TNFRSF13B: variants seen among roughly 807,000 people sequenced by gnomAD.
TNFRSF13B encodes tumor necrosis factor receptor superfamily member 13B.
A neutral mutation model predicts 24.0 loss-of-function variants in TNFRSF13B; 34 were observed. The ratio of observed to expected loss-of-function variants is 1.41; its 90% CI spans 1.08 to 1.88. The LOEUF (loss-of-function observed/expected upper bound fraction) is 1.88, where lower values mean the gene tolerates loss of function less well. Among genes scored for constraint, TNFRSF13B ranks in the 40% most tolerant of loss-of-function variants. TNFRSF13B has a pLI of 0.00. For synonymous variants in TNFRSF13B, 173 were observed against 150.3 expected (o/e 1.15, Z -1.10); for missense variants, 415 against 380.8 (o/e 1.09, Z -0.75).
chr17:16,946,532 T>G (rs1044086785), intron 3 of TNFRSF13B, among the ~76,000 whole-genome samples: 3 of 151,946 alleles, frequency 2.0e-5, no homozygotes, highest in Middle Eastern at 3.2e-3. Context: ...CAGCCATAAG[T>G]TTTTTCATTT....
chr17:16,952,823 C>T (rs574574137), intron 1 of TNFRSF13B, among the ~76,000 whole-genome samples: 1 of 152,334 alleles, frequency 6.6e-6, no homozygotes, highest in African/African-American at 2.4e-5. Context: ...TTTCAGGCCC[C>T]CTGCTCTCTC....
intron 1 of TNFRSF13B, 72 bp downstream of exon 1, chr17:16,971,943 C>G: frequency 1.3e-6 from 2 of 1,526,738 alleles, no homozygotes; most frequent in Non-Finnish European, 1.8e-6. Context: ...ACCTTGCAAC[C>G]CCCACGGCAC....
intron 1 of TNFRSF13B, among the ~76,000 whole-genome samples, chr17:16,964,620 C>T (rs553747211): frequency 6.6e-5 from 10 of 152,278 alleles, no homozygotes; most frequent in Non-Finnish European, 1.3e-4. Context: ...GGATTACAGG[C>T]GTGAGCCACC....
rs1400796870 is a variant in TNFRSF13B, at chr17:16,939,341, TTCTCTGCCTCTTTCCC to T, written c.*190_*205del. On this transcript the variant is annotated 3_prime_UTR_variant, in exon 5 of 5. Coordinates refer to ENST00000261652, the MANE Select transcript of TNFRSF13B (RefSeq NM_012452.3). ...TCTCCTTCTCTGCCTGTCTCTTTCC[TTCTCTGCCTCTTTCCC>T]TCTCTGCCTCTCTTCCCCTCTGTCT... is the stretch of plus-strand genomic sequence containing the variant. The T allele has an allele frequency of 5.2e-6, 3 of 582,302 alleles. No individual in the cohort carries two copies. Among genetic ancestry groups the T allele is most frequent in the African/African-American group, 3.9e-5 (2 of 50,890 alleles). 36.1% of individuals were successfully genotyped at this position (582,302 alleles called of 1,614,324 possible). A position where few individuals can be genotyped will look rare whatever the true frequency, so the allele number is the denominator to read the frequency against.
intron 1 of TNFRSF13B, among the ~76,000 whole-genome samples, chr17:16,970,577 C>G (rs1276410843): frequency 6.6e-6 from 1 of 152,348 alleles, no homozygotes; most frequent in East Asian, 1.9e-4. Context: ...CATCAAAGCA[C>G]TTTTGTGTGT....
Position 16,939,400 on chromosome 17 carries a change from T to C in TNFRSF13B, c.*147A>G, listed in dbSNP as rs958213654. ...CTCTGTCTCTCTCTCCCTCTGTCTCTCTCTCCCTCTCTGTCTCCTCTGTTT... is the reference window on the plus strand; with the variant it reads ...CTCTGTCTCTCTCTCCCTCTGTCTCCCTCTCCCTCTCTGTCTCCTCTGTTT... On this transcript the variant is annotated 3_prime_UTR_variant, in exon 5 of 5. Coordinates refer to ENST00000261652, the MANE Select transcript of TNFRSF13B (RefSeq NM_012452.3). 1 of 958,414 alleles carries C rather than the reference T, an allele frequency of 1.0e-6. No homozygotes were observed. The allele number at this position is 958,414 out of a possible 1,614,324, so 59.4% of individuals were successfully genotyped here.
chr17:16,939,937 G>A (rs2087496935), intron 4 of TNFRSF13B, 140 bp from the exon 5 acceptor site: 1 of 1,222,364 alleles, frequency 8.2e-7, no homozygotes, highest in Non-Finnish European at 1.1e-6. Context: ...ACAGGTGTCA[G>A]TGTCCGCCAG....
chr17:16,966,832 C>CT lies in TNFRSF13B; in HGVS notation c.61+5182dup, dbSNP rs796602708. 8.0e-4 allele frequency among the ~76,000 whole-genome samples: 77 copies of CT among 95,832 alleles called. 5 individuals carry two copies. Among genetic ancestry groups the CT allele is most frequent in the South Asian group, 1.4e-3 (4 of 2,778 alleles). The allele number at this position is 95,832 out of a possible 152,430, so 62.9% of individuals were successfully genotyped here. On this transcript the variant is annotated intron_variant, in intron 1 of 4. Coordinates refer to ENST00000261652, the MANE Select transcript of TNFRSF13B (RefSeq NM_012452.3). Reference sequence around the variant, plus strand: ...TTGGTTTTTTTTGTTTTTTCTTTTTCTTTTTTCTTTTTTTTTTTTTTTTTG... The same window carrying CT: ...TTGGTTTTTTTTGTTTTTTCTTTTTCTTTTTTTCTTTTTTTTTTTTTTTTTG...
chr17:16,939,364 CCTCTCTTCCCCTCTGT>C lies in TNFRSF13B; in HGVS notation c.*167_*182del, dbSNP rs1245501192. The C allele has an allele frequency of 3.1e-5, 21 of 673,156 alleles. No individual in the cohort carries two copies. Among genetic ancestry groups the C allele is most frequent in the Non-Finnish European group, 3.5e-5 (15 of 430,746 alleles). The allele number at this position is 673,156 out of a possible 1,614,324, so 41.7% of individuals were successfully genotyped here. On this transcript the variant is annotated 3_prime_UTR_variant, in exon 5 of 5. Transcript: ENST00000261652. ...CCTTCTCTGCCTCTTTCCCTCTCTG[CCTCTCTTCCCCTCTGT>C]CTCTCTCTCCCTCTGTCTCTCTCTC...
intron 3 of TNFRSF13B, among the ~76,000 whole-genome samples, chr17:16,942,429 T>C (rs1300956126): frequency 6.6e-6 from 1 of 152,170 alleles, no homozygotes; most frequent in Non-Finnish European, 1.5e-5. Context: ...AGTGTCACTC[T>C]GACATTTACA....
At chr17:16,966,268 CAAAAAAACAAAAA>C (rs1285520199) in intron 1 of TNFRSF13B, among the ~76,000 whole-genome samples, 3 of 147,068 alleles carry the variant, frequency 2.0e-5, no homozygotes, top group Non-Finnish European at 4.5e-5. Context: ...AAAAAAACAC[CAAAAAAACAAAAA>C]CAAAAAACGA....
chr17:16,963,352 A>C (rs925405433), intron 1 of TNFRSF13B, among the ~76,000 whole-genome samples: 1 of 151,782 alleles, frequency 6.6e-6, no homozygotes, highest in African/African-American at 2.4e-5. Flanking sequence ...GCGTGAGCCA[A>C]CTCCCTCTTT....
At chr17:16,966,913 A>G (rs12950077) in intron 1 of TNFRSF13B, among the ~76,000 whole-genome samples, 5,355 of 134,352 alleles carry the variant, frequency 0.04, 125 homozygotes, top group South Asian at 0.11. Flanking sequence ...ATCTCGGCTC[A>G]CTGAAACTTC....
chr17:16,971,072 G>A (rs2087740326), intron 1 of TNFRSF13B, among the ~76,000 whole-genome samples: 1 of 152,188 alleles, frequency 6.6e-6, no homozygotes, highest in Non-Finnish European at 1.5e-5. Context: ...TACGGGCCGG[G>A]TGCCGTGGCT....
intron 1 of TNFRSF13B, among the ~76,000 whole-genome samples, chr17:16,967,919 C>T (rs1319758863): frequency 2.0e-5 from 3 of 151,438 alleles, no homozygotes; most frequent in East Asian, 1.9e-4. Context: ...GGGTGGATCA[C>T]GAGATCAGGA....
chr17:16,940,160 G>A (rs2087498811), intron 4 of TNFRSF13B, 166 bp downstream of exon 4: 1 of 1,492,616 alleles, frequency 6.7e-7, no homozygotes, highest in African/African-American at 1.4e-5. Context: ...CCAGTTATCT[G>A]TCTGCCAGGA....
chr17:16,963,949 G>A (rs1009924938), intron 1 of TNFRSF13B, among the ~76,000 whole-genome samples: 2 of 152,186 alleles, frequency 1.3e-5, no homozygotes, highest in African/African-American at 2.4e-5. Flanking sequence ...GGATTCCAGC[G>A]TGCAGAGATA....
In TNFRSF13B at chr17:16,968,367, T is replaced by C. The variant is rs564687798; in HGVS notation, c.61+3648A>G. 2.0e-5 allele frequency among the ~76,000 whole-genome samples: 3 copies of C among 152,190 alleles called. No individual in the cohort carries two copies. In the South Asian group the frequency reaches 6.2e-4, roughly 32 times the overall value. ...GGGTGGTACTGGCATCAGACAGGCA[T>C]AAATCAACAGAATATAATTGAGAGC... On this transcript the variant is annotated intron_variant, in intron 1 of 4. Transcript: ENST00000261652.
chr17:16,948,434 C>G (rs1422240311), intron 3 of TNFRSF13B, among the ~76,000 whole-genome samples: 1 of 152,232 alleles, frequency 6.6e-6, no homozygotes, highest in Admixed American at 6.5e-5. Context: ...CAGGTGCTCA[C>G]ACAGGTGGGT....
Sources: allele counts gnomAD v4.1 joint callset (sites outside exome capture counted in the v4.1 genomes callset), GRCh38; gene constraint gnomAD v4.1.1; transcripts MANE v1.5; gene names NCBI Gene and HGNC (gene_info 2026-07-23, HGNC 2026-07-21).